PAIP1: variants seen among roughly 807,000 people sequenced by gnomAD.
PAIP1 encodes poly(A) binding protein interacting protein 1, also known as polyadenylate-binding protein-interacting protein 1.
Under a neutral mutation model 61.3 loss-of-function variants are expected in PAIP1, and 16 were observed. The observed-to-expected ratio is 0.26, with a 90% confidence interval of 0.18 to 0.40. The LOEUF is 0.40. PAIP1 is among the 10% of genes least tolerant of loss of function. PAIP1 has a pLI of 1.00. For synonymous variants in PAIP1, 187 were observed against 226.2 expected, an observed-to-expected ratio of 0.83 and a Z score of 1.56; for missense variants, 416 against 600.9, an observed-to-expected ratio of 0.69 and a Z score of 3.22.
At chr5:43,555,446 AGTT>A (rs1327292463) in intron 2 of PAIP1, among the ~76,000 whole-genome samples, 1 of 152,258 alleles carries the variant, frequency 6.6e-6, no homozygotes, top group Non-Finnish European at 1.5e-5. Flanking sequence ...TATTTTTTAA[AGTT>A]GTTATATAAG....
At chr5:43,527,917 C>T (rs1353973254) in intron 10 of PAIP1, among the ~76,000 whole-genome samples, 2 of 152,164 alleles carry the variant, frequency 1.3e-5, no homozygotes, top group Admixed American at 6.5e-5. Flanking sequence ...GCTATTCCTG[C>T]TATGATTTCT....
At chr5:43,536,561 TAC>T (rs1171264405) in intron 6 of PAIP1, among the ~76,000 whole-genome samples, 2 of 152,104 alleles carry the variant, frequency 1.3e-5, no homozygotes, top group African/African-American at 4.8e-5. Flanking sequence ...AGAGCACATA[TAC>T]AGAGATAAGA....
Position 43,550,416 on chromosome 5 carries a change from C to T in PAIP1, c.436-2503G>A, listed in dbSNP as rs772481212. Among the ~76,000 whole-genome samples, 47 of 151,918 alleles carry T rather than the reference C, an allele frequency of 3.1e-4. 1 individual carries two copies. Among genetic ancestry groups the T allele is most frequent in the Middle Eastern group, 3.2e-3 (1 of 314 alleles). On this transcript the variant is annotated intron_variant, in intron 2 of 10. Coordinates refer to ENST00000306846, the MANE Select transcript of PAIP1 (RefSeq NM_006451.5). ...TGAGTCATATTCCAAATGCAACAGC[C>T]ATGTATTCATACATAAAGGGACTAA...
At chr5:43,531,055 C>T (rs1746909169) in intron 9 of PAIP1, among the ~76,000 whole-genome samples, 1 of 152,086 alleles carries the variant, frequency 6.6e-6, no homozygotes, top group African/African-American at 2.4e-5. Context: ...ATTTTATCTT[C>T]CCTGCGAGAT....
At chr5:43,545,015 T>C (rs111498482) in intron 3 of PAIP1, among the ~76,000 whole-genome samples, 6 of 152,354 alleles carry the variant, frequency 3.9e-5, no homozygotes, top group African/African-American at 1.4e-4. Context: ...AGTATGGTTA[T>C]GATTTTATTC....
At chr5:43,543,535 C>CCCT (rs1473856222) in intron 3 of PAIP1, among the ~76,000 whole-genome samples, 2 of 152,006 alleles carry the variant, frequency 1.3e-5, no homozygotes, top group African/African-American at 4.8e-5. Flanking sequence ...GGACAAGATT[C>CCCT]CCTGGCATTT....
chr5:43,549,305 A>T (rs1388460654), intron 2 of PAIP1, among the ~76,000 whole-genome samples: 1 of 152,094 alleles, frequency 6.6e-6, no homozygotes, highest in African/African-American at 2.4e-5. Context: ...GGTGCTTGAT[A>T]TGGTTTGGCT....
chr5:43,531,870 CAG>C (rs1746956431), intron 9 of PAIP1, among the ~76,000 whole-genome samples: 1 of 151,540 alleles, frequency 6.6e-6, no homozygotes, highest in Non-Finnish European at 1.5e-5. Context: ...TCAGAAATAA[CAG>C]AAGGGTTATA....
chr5:43,537,160 A>G (rs1747187582), intron 5 of PAIP1, among the ~76,000 whole-genome samples: 1 of 152,246 alleles, frequency 6.6e-6, no homozygotes, highest in Non-Finnish European at 1.5e-5. Context: ...ATTTAATACC[A>G]GAGTCAGCAT....
At chr5:43,545,504 CT>C (rs1747603284) in intron 3 of PAIP1, among the ~76,000 whole-genome samples, 1 of 152,188 alleles carries the variant, frequency 6.6e-6, no homozygotes, top group Admixed American at 6.5e-5. Context: ...TCAAGCAATC[CT>C]TTTAGCCTCA....
intron 10 of PAIP1, among the ~76,000 whole-genome samples, chr5:43,527,993 G>T (rs1465597328): frequency 6.6e-6 from 1 of 152,104 alleles, no homozygotes; most frequent in Non-Finnish European, 1.5e-5. Flanking sequence ...ATTTTCACAG[G>T]AAGCTACTTT....
intron 4 of PAIP1, among the ~76,000 whole-genome samples, chr5:43,539,464 C>T (rs1018245151): frequency 1.6e-4 from 23 of 143,830 alleles, no homozygotes; most frequent in East Asian, 6.6e-4. Context: ...CACACACACA[C>T]ACACACACAC....
intron 2 of PAIP1, among the ~76,000 whole-genome samples, chr5:43,551,376 A>G (rs773519501): frequency 2.0e-5 from 3 of 152,244 alleles, no homozygotes; most frequent in South Asian, 2.1e-4. Flanking sequence ...ACATTATCAT[A>G]TATCTGTATA....
At chr5:43,527,580 G>C (rs1746756707) in intron 10 of PAIP1, 111 bp from the exon 11 acceptor site, 2 of 835,508 alleles carry the variant, frequency 2.4e-6, no homozygotes, top group Non-Finnish European at 3.5e-6. Context: ...ACTTATAATA[G>C]AACACAAGCC....
In PAIP1 at chr5:43,554,159, C is replaced by A. The variant is rs1579930738; in HGVS notation, c.435+1671G>T. ...ATGACTTTATATACTGCTCGACAGC[C>A]CCAAAGTCACTTGAACCACGTAAAA... On this transcript the variant is annotated intron_variant, in intron 2 of 10. Coordinates refer to ENST00000306846, the MANE Select transcript of PAIP1 (RefSeq NM_006451.5). 1.1e-4 allele frequency among the ~76,000 whole-genome samples: 16 copies of A among 152,214 alleles called. 1 individual carries two copies. The South Asian group carries it at 3.1e-3, about 30-fold the overall frequency.
chr5:43,540,689 C>T (rs1747363626), intron 4 of PAIP1, among the ~76,000 whole-genome samples: 1 of 152,162 alleles, frequency 6.6e-6, no homozygotes, highest in Non-Finnish European at 1.5e-5. Context: ...TTGCTTTTTA[C>T]TTGTTAGCTC....
intron 9 of PAIP1, 145 bp from the exon 10 acceptor site, chr5:43,530,024 T>C: frequency 3.3e-6 from 2 of 599,268 alleles, no homozygotes; most frequent in South Asian, 4.1e-5. Context: ...GTACTATAGA[T>C]ATAAGTTGGA....
At position 43,555,872 on chromosome 5, in the gene PAIP1, A is replaced by G. The variant is rs760296048; in HGVS notation, c.393T>C (p.Asn131=). Residue 131 remains asparagine (N), a synonymous_variant, in exon 2 of 11, where the codon AAT becomes AAC. Transcript: ENST00000306846. Reference sequence around the variant, plus strand: ...AACCTGAAGGGTAAAATTCAGGGGCATTCACAGACAGCTTAGACATTAATA... The same window carrying G: ...AACCTGAAGGGTAAAATTCAGGGGCGTTCACAGACAGCTTAGACATTAATA... ...APVLMSKLSV[N]APEFYPSGYS... 1.9e-6 allele frequency: 3 copies of G among 1,613,482 alleles called. No individual in the cohort carries two copies. The highest frequency in any genetic ancestry group is 2.7e-5 in the African/African-American group (2 of 75,042).
intron 10 of PAIP1, 53 bp from the exon 11 acceptor site, chr5:43,527,522 A>G: frequency 6.7e-7 from 1 of 1,483,980 alleles, no homozygotes; most frequent in Non-Finnish European, 9.2e-7. Context: ...TCAGAAAGTA[A>G]GATGCTAAAT....
Sources: gnomAD v4.1 joint callset for allele counts (sites outside exome capture counted in the v4.1 genomes callset) on GRCh38, gnomAD v4.1.1 for gene constraint, MANE v1.5 for transcripts, NCBI Gene and HGNC (gene_info 2026-07-23, HGNC 2026-07-21) for gene names.